Variants in PER2 observed in about 807,000 individuals in gnomAD.
PER2 encodes period circadian protein homolog 2.
Under a neutral mutation model 121.0 loss-of-function variants are expected in PER2, and 66 were observed. The observed-to-expected ratio is 0.55, with a 90% CI of 0.45 to 0.67. The LOEUF is 0.67. Among genes scored for constraint, PER2 ranks in the 30% least tolerant of loss-of-function variants. The pLI is 0.00. For synonymous variants in PER2, 684 were observed against 659.9 expected (o/e 1.04, Z -0.56); for missense variants, 1,521 against 1,635.0 (o/e 0.93, Z 1.20).
upstream of PER2, among the ~76,000 whole-genome samples, chr2:238,292,739 T>TC (rs969506810): frequency 6.6e-6 from 1 of 150,874 alleles, no homozygotes; most frequent in Non-Finnish European, 1.5e-5. Context: ...TTTTTCTTTC[T>TC]CTTTTTTTTT....
Position 238,253,538 on chromosome 2 carries a change from T to G in PER2, c.2485A>C (p.Thr829Pro), listed in dbSNP as rs1695674269. 1 of 1,611,488 alleles carries G rather than the reference T, an allele frequency of 6.2e-7. No individual in the cohort carries two copies. The highest frequency in any genetic ancestry group is 1.7e-5 in the Admixed American group (1 of 59,792). Residue 829 changes from threonine (T) to proline (P), a missense_variant, in exon 19 of 23, where the codon ACA (threonine) becomes CCA (proline). Thr to Pro is a conservative substitution (Grantham distance 38). Transcript: ENST00000254657. The surrounding 1 kb of genome is among the most constrained non-coding windows in gnomAD (Gnocchi z 5.6). ...ARPPLVGLNA[T>P]AWSPSDTSQS... The stretch of plus-strand genomic sequence containing the variant: ...GACGTGTCTGAGGGTGACCAGGCTG[T>G]GGCGTTCAAGCCCACCAGCGGGGGC...
In PER2 at chr2:238,265,520, C is replaced by T. The variant is rs1440044813; in HGVS notation, c.1038G>A (p.Val346=). The T allele has an allele frequency of 1.2e-6, 2 of 1,607,412 alleles. No homozygotes were observed. Among genetic ancestry groups the T allele is most frequent in the East Asian group, 2.2e-5 (1 of 44,856 alleles). ...GGGTCAAGACCACGTACCTTTCATC[C>T]ACATCCTGGAACAAACAATTTGGTG... ...THTPNCLFQD[V]DERAVPLLGY... is the part of the protein sequence containing the mutation. Residue 346 remains valine (V), a synonymous_variant, in exon 9 of 23, where the codon GTG becomes GTA. Transcript: ENST00000254657.
chr2:238,277,961 A>C lies in PER2; in HGVS notation c.-19-6T>G, dbSNP rs1416424625. 6.2e-7 allele frequency: 1 copy of C among 1,610,406 alleles called. No individual in the cohort carries two copies. The highest frequency in any genetic ancestry group is 8.5e-7 in the Non-Finnish European group (1 of 1,179,004). ...TGCTGGGCTCTGGAACGAAGCTGGCAAACAGAGGGATGCTGTCACGCATTA... is the reference window on the plus strand; with the variant it reads ...TGCTGGGCTCTGGAACGAAGCTGGCCAACAGAGGGATGCTGTCACGCATTA... On this transcript the variant is annotated splice_polypyrimidine_tract_variant and splice_region_variant and intron_variant, in intron 1 of 22. Transcript: ENST00000254657.
At chr2:238,271,627 G>C in intron 5 of PER2, 114 bp from the exon 6 acceptor site, 1 of 777,386 alleles carries the variant, frequency 1.3e-6, no homozygotes, top group Non-Finnish European at 2.2e-6. Context: ...GAGGTGGGGG[G>C]CTCTCTGACT....
intron 21 of PER2, among the ~76,000 whole-genome samples, chr2:238,249,650 C>T (rs1695546134): frequency 1.3e-5 from 2 of 152,278 alleles, no homozygotes; most frequent in Non-Finnish European, 2.9e-5. Flanking sequence ...GGCTCTGTGT[C>T]CCCACAAAAA....
chr2:238,297,440 G>T, the PER2 span, among the ~76,000 whole-genome samples: 1 of 152,112 alleles, frequency 6.6e-6, no homozygotes, highest in East Asian at 1.9e-4. Flanking sequence ...TCTGAGAAGG[G>T]ACTCAGAGAG....
intron 3 of PER2, among the ~76,000 whole-genome samples, 199 bp downstream of exon 3, chr2:238,276,932 C>T (rs753135414): frequency 1.1e-4 from 16 of 152,162 alleles, no homozygotes; most frequent in Non-Finnish European, 2.1e-4. Context: ...GGAGCGACAT[C>T]CCGGGGGCTC....
At chr2:238,297,300 A>C in the PER2 span, among the ~76,000 whole-genome samples, 1 of 152,190 alleles carries the variant, frequency 6.6e-6, no homozygotes, top group Non-Finnish European at 1.5e-5. Flanking sequence ...AATAGTGTGA[A>C]AACTGGAGAA....
At chr2:238,290,467 T>G (rs1327534242), upstream of PER2, among the ~76,000 whole-genome samples, 2 of 152,216 alleles carry the variant, frequency 1.3e-5, no homozygotes, top group African/African-American at 2.4e-5. Context: ...GAGATTCTTC[T>G]TCATGCTTTT....
At chr2:238,291,759 C>A (rs1696953739), upstream of PER2, among the ~76,000 whole-genome samples, 1 of 152,214 alleles carries the variant, frequency 6.6e-6, no homozygotes, top group Non-Finnish European at 1.5e-5. Flanking sequence ...GGGAGACCCT[C>A]AGCCAGCTCA....
intron 20 of PER2, 47 bp downstream of exon 20, chr2:238,251,552 C>T (rs1437281996): frequency 1.9e-6 from 3 of 1,576,296 alleles, no homozygotes; most frequent in Non-Finnish European, 1.7e-6. Flanking sequence ...GCAGTGCATC[C>T]TGCAGGAACC....
intron 4 of PER2, 64 bp downstream of exon 4, chr2:238,275,679 A>C: frequency 6.6e-7 from 1 of 1,518,996 alleles, no homozygotes; most frequent in Non-Finnish European, 9.1e-7. Flanking sequence ...AATCCAAGCT[A>C]TAATTTGGGG....
chr2:238,266,520 T>G (rs535605819), intron 8 of PER2, among the ~76,000 whole-genome samples: 1 of 152,322 alleles, frequency 6.6e-6, no homozygotes, highest in South Asian at 2.1e-4. Flanking sequence ...TTGCATAAAG[T>G]GAGTCATATA....
Position 238,252,428 on chromosome 2 carries a change from G to T in PER2, c.3111+484C>A, listed in dbSNP as rs74001630. ...AAATACAACTACCGTTTCATTAACT[G>T]GTTAAGAATCTCACACAGTGTCCCT... On this transcript the variant is annotated intron_variant, in intron 19 of 22. Transcript: ENST00000254657. The surrounding 1 kb of genome is among the most constrained non-coding windows in gnomAD (Gnocchi z 4.2). 1.3e-5 allele frequency among the ~76,000 whole-genome samples: 2 copies of T among 152,184 alleles called. No homozygotes were observed. The highest frequency in any genetic ancestry group is 4.8e-5 in the African/African-American group (2 of 41,404).
intron 4 of PER2, among the ~76,000 whole-genome samples, chr2:238,275,064 G>C (rs1341787834): frequency 1.3e-5 from 2 of 152,172 alleles, no homozygotes; most frequent in African/African-American, 4.8e-5. Flanking sequence ...GAAGAACTTT[G>C]CCCTAACTGT....
Position 238,253,594 on chromosome 2 carries a change from C to G in PER2, c.2429G>C (p.Ser810Thr). ...KRVKPRDSSE[S>T]TGSGGPVSAR... The stretch of plus-strand genomic sequence containing the variant: ...GGACACGGGCCCCCCAGATCCGGTG[C>G]TCTCAGATGAGTCTCGAGGTTTGAC... The change falls in exon 19 of 23, where the codon AGC becomes ACC. Residue 810 changes from serine (S) to threonine (T), a missense_variant. Coordinates refer to ENST00000254657, the MANE Select transcript of PER2 (RefSeq NM_022817.3). This position sits in a 1 kb window ranked among gnomAD's most constrained non-coding sequence, Gnocchi z 5.6. The G allele has an allele frequency of 6.2e-7, 1 of 1,610,228 alleles. No individual in the cohort carries two copies. Among genetic ancestry groups the G allele is most frequent in the Non-Finnish European group, 8.5e-7 (1 of 1,178,286 alleles).
chr2:238,260,324 TTG>T (rs1695889277), intron 13 of PER2, among the ~76,000 whole-genome samples: 1 of 152,062 alleles, frequency 6.6e-6, no homozygotes, highest in Non-Finnish European at 1.5e-5. Context: ...TGGCGCAATC[TTG>T]TCTCTCTGCA....
Position 238,250,722 on chromosome 2 carries a change from G to T in PER2, c.3296C>A (p.Thr1099Asn), listed in dbSNP as rs1026126464. Residue 1099 changes from threonine (T) to asparagine (N), a missense_variant, in exon 21 of 23, where the codon ACC becomes AAC. Transcript: ENST00000254657. ...SGAGSSDTSH[T>N]SKYFGSIDSS... ...GTCAATGCTTCCAAAATATTTGCTGGTATGACTTGTGTCACTACTGCCTTT... is the reference window on the plus strand; with the variant it reads ...GTCAATGCTTCCAAAATATTTGCTGTTATGACTTGTGTCACTACTGCCTTT... 5.6e-6 allele frequency: 9 copies of T among 1,613,540 alleles called. No homozygotes were observed. The highest frequency in any genetic ancestry group is 7.6e-6 in the Non-Finnish European group (9 of 1,179,456).
chr2:238,254,722 TG>T (rs1442406017), intron 18 of PER2: 1 of 152,304 alleles, frequency 6.6e-6, no homozygotes, highest in Non-Finnish European at 1.5e-5. Context: ...GCTGGTCCCA[TG>T]GGGTGGGTCT....
Sources: allele counts gnomAD v4.1 joint callset (sites outside exome capture counted in the v4.1 genomes callset), GRCh38; gene constraint gnomAD v4.1.1; non-coding constraint Gnocchi (gnomAD v3.1); transcripts MANE v1.5; gene names NCBI Gene and HGNC (gene_info 2026-07-23, HGNC 2026-07-21).